The following CRHR1 variants were observed in gnomAD, a reference collection of about 807,000 sequenced individuals.
The protein encoded by CRHR1 is corticotropin releasing hormone receptor 1.
In CRHR1, 28 loss-of-function variants were observed where a neutral mutation model predicts 56.0. That is an observed-to-expected ratio of 0.50 (90% CI 0.37 to 0.69). CRHR1 has a LOEUF of 0.69. Ranked by LOEUF, CRHR1 falls within the 30% of genes least tolerant of loss-of-function variation. CRHR1 has a pLI of 0.00. For synonymous variants in CRHR1, 195 were observed against 216.5 expected (o/e 0.90, Z 0.87); for missense variants, 376 against 548.0 (o/e 0.69, Z 3.13).
chr17:45,816,350 C>T (rs8072451), intron 2 of CRHR1, 113 bp from the exon 3 acceptor site: 273,031 of 1,407,280 alleles, frequency 0.19, 29,871 homozygotes, highest in Non-Finnish European at 0.23. Context: ...CTGTCCCTAG[C>T]TGGTGTGAGT....
Position 45,834,789 on chromosome 17 carries a change from C to CAAAGAGCT in CRHR1, c.*26_*33dup, listed in dbSNP as rs1555658496. The CAAAGAGCT allele has an allele frequency of 6.8e-6, 11 of 1,613,072 alleles. No individual in the cohort carries two copies. Among genetic ancestry groups the CAAAGAGCT allele is most frequent in the Non-Finnish European group, 9.3e-6 (11 of 1,179,838 alleles). On this transcript the variant is annotated 3_prime_UTR_variant, in exon 13 of 13. Transcript: ENST00000314537. ...AGCTGGCAGGTCATGGAGCAGCCCCCAAAGAGCTGTGGCTGGGGGGATGAC... is the reference window on the plus strand; with the variant it reads ...AGCTGGCAGGTCATGGAGCAGCCCCCAAAGAGCTAAAGAGCTGTGGCTGGGGGGATGAC...
Position 45,804,359 on chromosome 17 carries a change from A to T in CRHR1, c.34-2651A>T, listed in dbSNP as rs751316916. On this transcript the variant is annotated intron_variant, in intron 1 of 12. Coordinates refer to ENST00000314537, the MANE Select transcript of CRHR1 (RefSeq NM_004382.5). ...AATGGAGTGAACAAAACCACTACAA[A>T]CTCAGGCACTACCGACTCGGGGGAC... is the stretch of plus-strand genomic sequence containing the variant. Among the ~76,000 whole-genome samples the T allele has an allele frequency of 8.7e-4, 132 of 151,904 alleles. 1 individual carries two copies. Among genetic ancestry groups the T allele is most frequent in the Admixed American group, 8.6e-3 (131 of 15,250 alleles).
intron 1 of CRHR1, among the ~76,000 whole-genome samples, chr17:45,806,194 G>A (rs2061715795): frequency 6.6e-6 from 1 of 152,232 alleles, no homozygotes; most frequent in Admixed American, 6.5e-5. Context: ...GGTGGGTTTA[G>A]TTGAAGAAGG....
chr17:45,817,545 G>A (rs2061954162), intron 3 of CRHR1, among the ~76,000 whole-genome samples: 1 of 152,370 alleles, frequency 6.6e-6, no homozygotes, highest in African/African-American at 2.4e-5. Flanking sequence ...TGGATGGCTT[G>A]GCTTCTAAGA....
chr17:45,802,545 A>C (rs16940646), intron 1 of CRHR1, among the ~76,000 whole-genome samples: 22,076 of 152,212 alleles, frequency 0.15, 2,324 homozygotes, highest in African/African-American at 0.3. Flanking sequence ...AGTATGATTC[A>C]GGAATAAGGC....
intron 4 of CRHR1, among the ~76,000 whole-genome samples, chr17:45,824,841 T>G (rs552509406): frequency 6.6e-6 from 1 of 152,154 alleles, no homozygotes; most frequent in Admixed American, 6.5e-5. Flanking sequence ...AGACGTTCCA[T>G]TCACCTGCCG....
At chr17:45,814,981 A>T (rs533301143) in intron 2 of CRHR1, among the ~76,000 whole-genome samples, 15 of 152,394 alleles carry the variant, frequency 9.8e-5, no homozygotes, top group Admixed American at 2.6e-4. Context: ...CATTTGGTAC[A>T]AGTGCTGCTC....
chr17:45,829,768 G>C (rs1249432904), intron 5 of CRHR1: 2 of 1,055,492 alleles, frequency 1.9e-6, no homozygotes, highest in East Asian at 5.2e-5. Flanking sequence ...CCCTGTGACT[G>C]TCCATCCTGG....
Position 45,807,092 on chromosome 17 carries a change from T to A in CRHR1, c.116T>A (p.Ile39Asn), listed in dbSNP as rs1282056436. ...HCESLSLASN[I>N]SGLQCNASVD... ...GAGAGCCTGTCCCTGGCCAGCAACA[T>A]CTCAGGTGAGTCCCCTCAACCCCCT... Residue 39 changes from isoleucine (I) to asparagine (N), a missense_variant, in exon 2 of 13, where the codon ATC (isoleucine) becomes AAC (asparagine). Around this residue, in one of 2 missense-constraint regions of CRHR1, gnomAD observed 369 missense variants for 519.5 expected, o/e 0.71. Transcript: ENST00000314537. 6.2e-7 allele frequency: 1 copy of A among 1,613,942 alleles called. No homozygotes were observed. The highest frequency in any genetic ancestry group is 1.3e-5 in the African/African-American group (1 of 75,022).
intron 1 of CRHR1, among the ~76,000 whole-genome samples, chr17:45,795,509 G>A (rs1230909686): frequency 6.6e-6 from 1 of 152,178 alleles, no homozygotes; most frequent in Non-Finnish European, 1.5e-5. Flanking sequence ...TTAAATGCCA[G>A]TCGCACCTCC....
At chr17:45,788,460 C>G (rs1048258097) in intron 1 of CRHR1, among the ~76,000 whole-genome samples, 4 of 152,224 alleles carry the variant, frequency 2.6e-5, no homozygotes, top group African/African-American at 7.2e-5. Context: ...ATTCCCAGCA[C>G]TCCCCCTTCC....
intron 1 of CRHR1, among the ~76,000 whole-genome samples, chr17:45,791,744 T>G (rs764374959): frequency 1.6e-4 from 24 of 151,456 alleles, no homozygotes; most frequent in Admixed American, 3.3e-4. Flanking sequence ...CTGCTCCTCC[T>G]CCCCAGAAGC....
chr17:45,816,732 C>G, intron 3 of CRHR1, 150 bp downstream of exon 3: 16 of 1,262,998 alleles, frequency 1.3e-5, no homozygotes, highest in Non-Finnish European at 1.7e-5. Flanking sequence ...GCGCTGTATT[C>G]TCCTGGGTGC....
intron 1 of CRHR1, among the ~76,000 whole-genome samples, chr17:45,795,904 G>A (rs1017424054): frequency 2.6e-5 from 4 of 152,134 alleles, no homozygotes; most frequent in Non-Finnish European, 5.9e-5. Flanking sequence ...GGGGTTTGGC[G>A]GTCCAGCAGC....
intron 1 of CRHR1, among the ~76,000 whole-genome samples, chr17:45,788,474 C>G (rs1394752683): frequency 6.6e-6 from 1 of 152,240 alleles, no homozygotes; most frequent in Non-Finnish European, 1.5e-5. Flanking sequence ...CCCTTCCCAG[C>G]TCTGCTCAAG....
At chr17:45,796,683 G>T (rs1252356564) in intron 1 of CRHR1, among the ~76,000 whole-genome samples, 1 of 152,174 alleles carries the variant, frequency 6.6e-6, no homozygotes, top group Non-Finnish European at 1.5e-5. Context: ...GCTCTGACTT[G>T]CAGGGGTCGA....
chr17:45,822,471 G>A (rs941754286), intron 4 of CRHR1, among the ~76,000 whole-genome samples: 2 of 152,348 alleles, frequency 1.3e-5, no homozygotes, highest in East Asian at 1.9e-4. Context: ...CAGGCTGTCC[G>A]AGGGCCAGGG....
rs371192812 is a variant in CRHR1, at chr17:45,784,540, C to T, written c.-5C>T. 4.5e-6 allele frequency: 7 copies of T among 1,552,038 alleles called. No individual in the cohort carries two copies. The Admixed American group carries it at 5.7e-5, about 13-fold the overall frequency. ...ATTCAGGACGGTAGCCGAGCGAGCC[C>T]GAGGATGGGAGGGCACCCGCAGCTC... On this transcript the variant is annotated 5_prime_UTR_variant, in exon 1 of 13. Coordinates refer to ENST00000314537, the MANE Select transcript of CRHR1 (RefSeq NM_004382.5). This position sits in a 1 kb window ranked among gnomAD's most constrained non-coding sequence, Gnocchi z 4.2.
intron 5 of CRHR1, 65 bp from the exon 6 acceptor site, chr17:45,830,029 A>G: frequency 6.2e-7 from 1 of 1,603,616 alleles, no homozygotes; most frequent in Middle Eastern, 1.7e-4. Context: ...GGGGTGATGG[A>G]GGTGGCCTAC....
Sources: allele counts gnomAD v4.1 joint callset (sites outside exome capture counted in the v4.1 genomes callset), GRCh38; gene constraint gnomAD v4.1.1; regional missense constraint gnomAD v4.1.1; non-coding constraint Gnocchi (gnomAD v3.1); transcripts MANE v1.5; gene names NCBI Gene and HGNC (gene_info 2026-07-23, HGNC 2026-07-21).